The following ENTR1 variants were observed in gnomAD, a reference collection of about 807,000 sequenced individuals.
ENTR1 encodes the protein endosome associated trafficking regulator 1, also known as endosome-associated-trafficking regulator 1.
A neutral mutation model predicts 47.9 loss-of-function variants in ENTR1; 47 were observed. That is an observed-to-expected ratio of 0.98 (90% CI 0.78 to 1.25). ENTR1 has a LOEUF of 1.25. Ranked by LOEUF, ENTR1 falls within the 50% of genes most tolerant of loss-of-function variation. ENTR1 has a pLI of 0.00. For missense variants in ENTR1, 668 were observed against 570.5 expected (o/e 1.17, Z -1.74); for synonymous variants, 290 against 245.8 (o/e 1.18, Z -1.68).
At chr9:136,404,968 T>A (rs967549493) in intron 7 of ENTR1, 123 bp downstream of exon 7, 13 of 793,342 alleles carry the variant, frequency 1.6e-5, no homozygotes, top group Non-Finnish European at 2.3e-5. Flanking sequence ...AGAACACCAG[T>A]CCCAGAGAGC....
In ENTR1 at chr9:136,405,141, C is replaced by T. The variant is rs371552738; in HGVS notation, c.955G>A (p.Asp319Asn). The T allele has an allele frequency of 1.9e-6, 3 of 1,613,832 alleles. No individual in the cohort carries two copies. The highest frequency in any genetic ancestry group is 2.7e-5 in the African/African-American group (2 of 74,942). ...ACCTGCTGAACCACCGACTCCAGGT[C>T]GTGGTAGTCGCTTTCCTCCTTGATC... Reference protein sequence around the residue: ...KMIKEESDYHDLESVVQQVEQ... With the variant: ...KMIKEESDYHNLESVVQQVEQ... Residue 319 changes from aspartate to asparagine, a missense_variant, in exon 7 of 10, where the codon GAC becomes AAC. Coordinates refer to ENST00000357365, the MANE Select transcript of ENTR1 (RefSeq NM_001039707.2).
chr9:136,402,993 T>C, intron 9 of ENTR1, 106 bp from the exon 10 acceptor site: 1 of 567,626 alleles, frequency 1.8e-6, no homozygotes, highest in Non-Finnish European at 3.0e-6. Flanking sequence ...AAGGGAGGGG[T>C]TCCAAGGGGT....
Position 136,410,503 on chromosome 9 carries a change from C to T in ENTR1, c.-106G>A, listed in dbSNP as rs1835054213. 1.0e-6 allele frequency: 1 copy of T among 966,620 alleles called. No individual in the cohort carries two copies. The highest frequency in any genetic ancestry group is 4.8e-5 in the South Asian group (1 of 20,892). 59.9% of individuals were successfully genotyped at this position (966,620 alleles called of 1,614,324 possible). A position where few individuals can be genotyped will look rare whatever the true frequency, so the allele number is the denominator to read the frequency against. The stretch of plus-strand genomic sequence containing the variant: ...CGCGTCGCCCGCCCCCGTCGCCCGC[C>T]CCCGTCGCCCGCCGCTCGGCCGCCC... On this transcript the variant is annotated 5_prime_UTR_variant, in exon 1 of 10. Transcript: ENST00000357365.
At chr9:136,410,049 G>A (rs1301101234) in intron 2 of ENTR1, 41 bp downstream of exon 2, 2 of 1,610,974 alleles carry the variant, frequency 1.2e-6, no homozygotes, top group South Asian at 1.1e-5. Flanking sequence ...CGTGGCGCGG[G>A]AACTGGAAGC....
At position 136,407,427 on chromosome 9, in the gene ENTR1, A is replaced by G; in HGVS notation, c.537T>C (p.Asp179=). The G allele has an allele frequency of 6.2e-7, 1 of 1,610,284 alleles. No individual in the cohort carries two copies. The highest frequency in any genetic ancestry group is 2.2e-4 in the Middle Eastern group (1 of 4,646). Residue 179 remains aspartate, a synonymous_variant, in exon 5 of 10, where the codon GAT becomes GAC. Transcript: ENST00000357365. The stretch of plus-strand genomic sequence containing the variant: ...AGGCCCCACTCCATCCGGTGTCCTC[A>G]TCCTCCTCCTCATCCAGGAGGTCAC... ...GAGDLLDEEE[D]EDTGWSGAYL...
intron 6 of ENTR1, among the ~76,000 whole-genome samples, chr9:136,405,699 G>A (rs1007520167): frequency 4.6e-5 from 7 of 152,170 alleles, no homozygotes; most frequent in Admixed American, 3.3e-4. Context: ...CCGTGATTGC[G>A]CCACTGCACC....
intron 4 of ENTR1, 127 bp from the exon 5 acceptor site, chr9:136,407,688 C>T (rs2131562448): frequency 7.1e-7 from 1 of 1,414,074 alleles, no homozygotes; most frequent in East Asian, 2.3e-5. Context: ...AGCCCAGCAG[C>T]TTCTGAGCCC....
chr9:136,409,033 C>T lies in ENTR1; in HGVS notation c.255G>A (p.Gln85=). The T allele has an allele frequency of 6.2e-7, 1 of 1,613,990 alleles. No homozygotes were observed. Among genetic ancestry groups the T allele is most frequent in the Non-Finnish European group, 8.5e-7 (1 of 1,179,992 alleles). ...FGYGKGKCSK[Q]SPSGAHGTHF... ...GTGTCCCGTGGGCTCCTGACGGGCT[C>T]TGCTTAGAACATTTCCCCTTTCCAT... Residue 85 remains glutamine, a synonymous_variant, in exon 3 of 10, where the codon CAG becomes CAA. Transcript: ENST00000357365.
rs778925875 is a variant in ENTR1, at chr9:136,410,188, C to T, written c.122G>A (p.Arg41His). The T allele has an allele frequency of 1.2e-6, 2 of 1,606,698 alleles. No individual in the cohort carries two copies. Among genetic ancestry groups the T allele is most frequent in the East Asian group, 4.5e-5 (2 of 44,606 alleles). The stretch of plus-strand genomic sequence containing the variant: ...GGAGTCCAGGTCCCTGCCATGGGGG[C>T]GCTCACAATTTAGCTGGGGGAGACA... ...RSCLPQLNCERPHGRDLDSPF... is the reference protein window; with the variant it reads ...RSCLPQLNCEHPHGRDLDSPF... The change falls in exon 2 of 10, where the codon CGC becomes CAC. Residue 41 changes from arginine (R) to histidine (H), a missense_variant. Transcript: ENST00000357365.
At position 136,410,380 on chromosome 9, in the gene ENTR1, G is replaced by GCGCTGGTAGCCCGACATCGC; in HGVS notation, c.-3_17dup (p.Pro8CysfsTer37). The GCGCTGGTAGCCCGACATCGC allele has an allele frequency of 7.0e-7, 1 of 1,433,754 alleles. No homozygotes were observed. Among genetic ancestry groups the GCGCTGGTAGCCCGACATCGC allele is most frequent in the Non-Finnish European group, 9.1e-7 (1 of 1,102,014 alleles). 88.8% of individuals were successfully genotyped at this position (1,433,754 alleles called of 1,614,324 possible). On this transcript the variant is annotated frameshift_variant, in exon 1 of 10. Coordinates refer to ENST00000357365, the MANE Select transcript of ENTR1 (RefSeq NM_001039707.2). LOFTEE classifies it high-confidence loss of function. ...GGGACAGCGGGGTGGCGCCCGGGCG[G>GCGCTGGTAGCCCGACATCGC]CGCTGGTAGCCCGACATCGCCGCCG...
chr9:136,407,496 G>A lies in ENTR1; in HGVS notation c.468C>T (p.Gly156=). The A allele has an allele frequency of 1.2e-6, 2 of 1,608,952 alleles. No homozygotes were observed. Among genetic ancestry groups the A allele is most frequent in the Non-Finnish European group, 1.7e-6 (2 of 1,179,236 alleles). ...CGAAAAATGGCTGCTGATACTCCAG[G>A]CCATACCCGCCGGTTTGGGAGGGTG... The part of the protein sequence containing the change: ...NSPPSQTGGY[G]LEYQQPFFED... Residue 156 remains glycine (G), a synonymous_variant, in exon 5 of 10, where the codon GGC becomes GGT. Transcript: ENST00000357365.
chr9:136,407,843 T>C lies in ENTR1; in HGVS notation c.385A>G (p.Ser129Gly). ...GGATTTACCTTTGCATAAATTCTGC[T>C]GGCCGGATCCTCTTTCGAGAGGCCG... ...NLGLSKEDPASRIYAKEASRH... is the reference protein window; with the variant it reads ...NLGLSKEDPAGRIYAKEASRH... The change falls in exon 4 of 10, where the codon AGC becomes GGC. Residue 129 changes from serine (S) to glycine (G), a missense_variant. By Grantham distance (56) the Ser-to-Gly change is moderately conservative. Transcript: ENST00000357365. The C allele has an allele frequency of 1.2e-6, 2 of 1,612,110 alleles. No individual in the cohort carries two copies. The highest frequency in any genetic ancestry group is 1.7e-6 in the Non-Finnish European group (2 of 1,178,202).
At chr9:136,409,485 G>GAA (rs1170573105) in intron 2 of ENTR1, among the ~76,000 whole-genome samples, 1 of 152,100 alleles carries the variant, frequency 6.6e-6, no homozygotes, top group African/African-American at 2.4e-5. Context: ...CCGGTCAGCC[G>GAA]AGAAAACTTT....
intron 2 of ENTR1, 100 bp downstream of exon 2, chr9:136,409,990 C>T (rs765148823): frequency 3.5e-6 from 5 of 1,409,656 alleles, no homozygotes; most frequent in Non-Finnish European, 3.0e-6. Context: ...GAGCGCTCTG[C>T]ACATTGATGG....
chr9:136,406,553 C>T (rs113549069), intron 5 of ENTR1, among the ~76,000 whole-genome samples: 2,290 of 151,910 alleles, frequency 0.015, 47 homozygotes, highest in African/African-American at 0.051. Flanking sequence ...CTCGGCTCAC[C>T]GCAACCTCCG....
Position 136,402,743 on chromosome 9 carries a change from C to G in ENTR1, c.*45G>C, listed in dbSNP as rs1315131308. ...CACATTTAGATCGAGCGGTGGTGAC[C>G]TCAGGGTATACACGGAGCTTCATGC... On this transcript the variant is annotated 3_prime_UTR_variant, in exon 10 of 10. Transcript: ENST00000357365. The G allele has an allele frequency of 7.5e-7, 1 of 1,342,260 alleles. No homozygotes were observed. The highest frequency in any genetic ancestry group is 1.1e-6 in the Non-Finnish European group (1 of 935,956). 83.1% of individuals were successfully genotyped at this position (1,342,260 alleles called of 1,614,324 possible).
chr9:136,404,795 G>C, intron 7 of ENTR1, 102 bp from the exon 8 acceptor site: 1 of 1,194,132 alleles, frequency 8.4e-7, no homozygotes. Flanking sequence ...ACCCAACCTG[G>C]CTGTGGCCCT....
chr9:136,403,899 G>A, intron 9 of ENTR1, 156 bp downstream of exon 9: 2 of 844,330 alleles, frequency 2.4e-6, no homozygotes, highest in South Asian at 1.8e-5. Context: ...GTGACCCAGA[G>A]AGCTAACAGG....
Position 136,402,825 on chromosome 9 carries a change from C to T in ENTR1, c.1271G>A (p.Arg424Lys), listed in dbSNP as rs200674094. 1 of 1,613,176 alleles carries T rather than the reference C, an allele frequency of 6.2e-7. No individual in the cohort carries two copies. The highest frequency in any genetic ancestry group is 1.1e-5 in the South Asian group (1 of 91,060). The change falls in exon 10 of 10, where the codon AGA (arginine) becomes AAA (lysine). Residue 424 changes from arginine (R) to lysine (K), a missense_variant. Coordinates refer to ENST00000357365, the MANE Select transcript of ENTR1 (RefSeq NM_001039707.2). ...CTCCTCGTCTTTAACTTCAGAAATT[C>T]TGTCTATAGATTTAAGGATTTCGGC... is the stretch of plus-strand genomic sequence containing the variant. ...LVAEILKSIDRISEVKDEEED... is the reference protein window; with the variant it reads ...LVAEILKSIDKISEVKDEEED...
Sources: allele counts gnomAD v4.1 joint callset (sites outside exome capture counted in the v4.1 genomes callset), GRCh38; gene constraint gnomAD v4.1.1; transcripts MANE v1.5; gene names NCBI Gene and HGNC (gene_info 2026-07-23, HGNC 2026-07-21).